The following MAF variants were observed in gnomAD, a reference collection of about 807,000 sequenced individuals.
MAF encodes transcription factor Maf.
In MAF, 10 loss-of-function variants were observed where a neutral mutation model predicts 22.0. The observed-to-expected ratio is 0.45, with a 90% CI of 0.28 to 0.77. The LOEUF is 0.77. Among genes scored for constraint, MAF ranks in the 30% least tolerant of loss-of-function variants. The probability of loss-of-function intolerance (pLI) is 0.12; values close to 1 mark genes in which losing one functional copy is unlikely to be tolerated. For synonymous variants in MAF, 337 were observed against 255.8 expected (o/e 1.32, Z -3.03); for missense variants, 544 against 548.4 (o/e 0.99, Z 0.08).
the MAF span, among the ~76,000 whole-genome samples, chr16:79,361,533 G>A: frequency 2.6e-5 from 4 of 152,260 alleles, 1 homozygote; most frequent in Admixed American, 2.6e-4. Flanking sequence ...CTCTATCTGG[G>A]TGAGCCATGC....
the MAF span, among the ~76,000 whole-genome samples, chr16:79,291,353 G>C: frequency 6.6e-6 from 1 of 152,078 alleles, no homozygotes; most frequent in East Asian, 1.9e-4. Flanking sequence ...TCTCCTTCAG[G>C]TGTCATGTCA....
the MAF span, among the ~76,000 whole-genome samples, chr16:79,391,837 A>G: frequency 2.7e-5 from 4 of 150,404 alleles, no homozygotes; most frequent in South Asian, 2.1e-4. Flanking sequence ...GGCATGGGAG[A>G]AAGTGGGGGA....
chr16:79,245,836 A>G, the MAF span, among the ~76,000 whole-genome samples: 2 of 152,136 alleles, frequency 1.3e-5, no homozygotes, highest in Admixed American at 1.3e-4. Context: ...GACTGGATAA[A>G]GAAAATGTGG....
chr16:79,479,421 G>A, the MAF span, among the ~76,000 whole-genome samples: 1 of 152,220 alleles, frequency 6.6e-6, no homozygotes, highest in African/African-American at 2.4e-5. Context: ...TCAAATGTTT[G>A]ACTGAGCATC....
chr16:79,208,030 C>G, the MAF span, among the ~76,000 whole-genome samples: 1 of 152,126 alleles, frequency 6.6e-6, no homozygotes, highest in African/African-American at 2.4e-5. Context: ...CTAAATCCCA[C>G]CTTTCTGTAG....
the MAF span, among the ~76,000 whole-genome samples, chr16:79,556,674 C>T: frequency 6.6e-6 from 1 of 152,186 alleles, no homozygotes; most frequent in South Asian, 2.1e-4. Flanking sequence ...TATTCTTCAT[C>T]TTAAATCAAA....
At chr16:79,347,713 C>G in the MAF span, among the ~76,000 whole-genome samples, 1 of 152,134 alleles carries the variant, frequency 6.6e-6, no homozygotes, top group Non-Finnish European at 1.5e-5. Context: ...AGGGGTTGAA[C>G]TGGCAGGTGG....
At chr16:79,407,230 G>A in the MAF span, among the ~76,000 whole-genome samples, 2 of 152,148 alleles carry the variant, frequency 1.3e-5, no homozygotes, top group African/African-American at 4.8e-5. Flanking sequence ...TGGACGCGTT[G>A]CGCAAGGAGT....
At chr16:79,530,990 A>G in the MAF span, among the ~76,000 whole-genome samples, 2 of 152,172 alleles carry the variant, frequency 1.3e-5, no homozygotes, top group Non-Finnish European at 2.9e-5. Context: ...CTTGCCCTAG[A>G]CTTGCCTGCC....
At chr16:79,435,872 C>T in the MAF span, among the ~76,000 whole-genome samples, 4 of 152,178 alleles carry the variant, frequency 2.6e-5, no homozygotes, top group African/African-American at 7.2e-5. Flanking sequence ...GAGGAGTCTG[C>T]TAAAGCATGT....
the MAF span, among the ~76,000 whole-genome samples, chr16:79,316,917 C>T: frequency 3.9e-5 from 6 of 152,302 alleles, no homozygotes; most frequent in Middle Eastern, 6.8e-3. Flanking sequence ...GTAGGAGTCA[C>T]TTGAAGTAAA....
At chr16:79,447,797 G>A in the MAF span, among the ~76,000 whole-genome samples, 1 of 150,154 alleles carries the variant, frequency 6.7e-6, no homozygotes, top group Non-Finnish European at 1.5e-5. Context: ...GGGAGGCTGA[G>A]GCAGGAGAAT....
At chr16:79,598,144 G>A (rs1018243209) in intron 1 of MAF, 1 of 1,046,060 alleles carries the variant, frequency 9.6e-7, no homozygotes, top group Non-Finnish European at 1.2e-6. Flanking sequence ...GAAGAACTCA[G>A]GAGAAGAAAA....
chr16:79,413,006 G>T, the MAF span, among the ~76,000 whole-genome samples: 6,270 of 152,172 alleles, frequency 0.041, 264 homozygotes, highest in African/African-American at 0.11. Flanking sequence ...AAACACAAGT[G>T]ACAAACTTGG....
At chr16:79,529,282 A>G in the MAF span, among the ~76,000 whole-genome samples, 1 of 152,222 alleles carries the variant, frequency 6.6e-6, no homozygotes, top group Non-Finnish European at 1.5e-5. Context: ...AGTCAGATGG[A>G]TCCAGTTTGA....
At chr16:79,398,771 G>A in the MAF span, among the ~76,000 whole-genome samples, 1 of 152,052 alleles carries the variant, frequency 6.6e-6, no homozygotes, top group Admixed American at 6.6e-5. Flanking sequence ...CCTCTGTCTG[G>A]CATTCTCTTA....
chr16:79,413,169 T>G, the MAF span, among the ~76,000 whole-genome samples: 8 of 150,074 alleles, frequency 5.3e-5, no homozygotes, highest in Admixed American at 2.7e-4. Flanking sequence ...TGGAGTTAGA[T>G]TTGTGCTCCA....
chr16:79,373,568 A>G, the MAF span, among the ~76,000 whole-genome samples: 1 of 151,574 alleles, frequency 6.6e-6, no homozygotes, highest in South Asian at 2.1e-4. Flanking sequence ...TTTTTAGTAG[A>G]GACGGGGTTT....
the MAF span, among the ~76,000 whole-genome samples, chr16:79,541,338 C>G: frequency 6.6e-6 from 1 of 152,130 alleles, no homozygotes; most frequent in African/African-American, 2.4e-5. Context: ...TCAGACTATG[C>G]ACCTGTTCGT....
Sources: allele counts gnomAD v4.1 joint callset (sites outside exome capture counted in the v4.1 genomes callset), GRCh38; gene constraint gnomAD v4.1.1; transcripts MANE v1.5; gene names NCBI Gene and HGNC (gene_info 2026-07-23, HGNC 2026-07-21).